TAFA2: variants seen among roughly 807,000 people sequenced by gnomAD.
TAFA2 encodes the protein chemokine-like protein TAFA-2.
Under a neutral mutation model 18.8 loss-of-function variants are expected in TAFA2, and 7 were observed. That is an observed-to-expected ratio of 0.37 (90% CI 0.21 to 0.70). The LOEUF is 0.70. Ranked by LOEUF, TAFA2 falls within the 30% of genes least tolerant of loss-of-function variation. The pLI is 0.53. For synonymous variants in TAFA2, 60 were observed against 54.2 expected (o/e 1.11, Z -0.47); for missense variants, 122 against 158.1 (o/e 0.77, Z 1.23).
intron 1 of TAFA2, chr12:62,235,637 T>A: frequency 4.4e-6 from 1 of 224,994 alleles, no homozygotes; most frequent in Non-Finnish European, 8.7e-6. Context: ...CCTTTATTCC[T>A]TTGTTACTGT....
At chr12:62,208,334 A>C (rs2062700445) in intron 1 of TAFA2, among the ~76,000 whole-genome samples, 1 of 152,196 alleles carries the variant, frequency 6.6e-6, no homozygotes, top group South Asian at 2.1e-4. Flanking sequence ...GGAGAAAAAA[A>C]AAAGCTGTTT....
chr12:61,827,893 C>T (rs1872583224), intron 2 of TAFA2, among the ~76,000 whole-genome samples: 1 of 151,906 alleles, frequency 6.6e-6, no homozygotes, highest in Non-Finnish European at 1.5e-5. Flanking sequence ...ACTCTTTAGT[C>T]CTTGCTTGAA....
intron 1 of TAFA2, among the ~76,000 whole-genome samples, chr12:62,047,264 C>A (rs1029001042): frequency 1.3e-5 from 2 of 152,002 alleles, no homozygotes; most frequent in Non-Finnish European, 2.9e-5. Context: ...AAGGCTAGGT[C>A]GCAGAAAGCC....
chr12:61,991,081 A>G (rs761225699), intron 1 of TAFA2, among the ~76,000 whole-genome samples: 4 of 152,216 alleles, frequency 2.6e-5, no homozygotes, highest in Non-Finnish European at 5.9e-5. Flanking sequence ...AAGGTACTTT[A>G]TGCTCTTTTC....
chr12:61,724,677 G>A (rs1295449759), intron 4 of TAFA2, among the ~76,000 whole-genome samples: 1 of 151,324 alleles, frequency 6.6e-6, no homozygotes, highest in Non-Finnish European at 1.5e-5. Context: ...TAGAATAATG[G>A]CCTCCATCCA....
intron 4 of TAFA2, among the ~76,000 whole-genome samples, chr12:61,747,941 GA>G (rs1868810517): frequency 6.6e-6 from 1 of 151,978 alleles, no homozygotes. Flanking sequence ...TTAAAATGTG[GA>G]AGGTAAGTTG....
intron 1 of TAFA2, among the ~76,000 whole-genome samples, chr12:62,157,253 G>A (rs926894083): frequency 2.0e-5 from 3 of 151,912 alleles, no homozygotes; most frequent in African/African-American, 7.3e-5. Context: ...ATCAAAAAAT[G>A]ATTTGGGAAG....
intron 1 of TAFA2, among the ~76,000 whole-genome samples, chr12:62,117,492 C>A (rs1870011579): frequency 6.6e-6 from 1 of 152,092 alleles, no homozygotes; most frequent in East Asian, 1.9e-4. Context: ...CAGTATTCAG[C>A]CTGGGACCCC....
rs138922673 is a variant in TAFA2, at chr12:62,029,345, T to C, written c.-2+161914A>G. Among the ~76,000 whole-genome samples, 3 of 152,294 alleles carry C rather than the reference T, an allele frequency of 2.0e-5. No individual in the cohort carries two copies. The East Asian group carries it at 5.8e-4, about 29-fold the overall frequency. On this transcript the variant is annotated intron_variant, in intron 1 of 4. Coordinates refer to ENST00000416284, the MANE Select transcript of TAFA2 (RefSeq NM_178539.5). ...TTAACTACATGTTATCTTTTTAACA[T>C]TAATATTATGCTTGTTAGGGAGGTG...
rs1437531064 is a variant in TAFA2, at chr12:61,754,859, G to A, written c.259+13C>T. ...GGCTGTGCTGTTACAATAAGGAATGGAAGAAGTCACACCATCCACACATGA... is the reference window on the plus strand; with the variant it reads ...GGCTGTGCTGTTACAATAAGGAATGAAAGAAGTCACACCATCCACACATGA... On this transcript the variant is annotated intron_variant, in intron 3 of 4. Transcript: ENST00000416284. The A allele has an allele frequency of 1.2e-6, 2 of 1,611,816 alleles. No homozygotes were observed. Among genetic ancestry groups the A allele is most frequent in the East Asian group, 2.2e-5 (1 of 44,648 alleles).
At chr12:62,052,761 G>GA (rs138741516) in intron 1 of TAFA2, among the ~76,000 whole-genome samples, 3,041 of 152,130 alleles carry the variant, frequency 0.02, 64 homozygotes, top group African/African-American at 0.047. Context: ...GAATCTAAGA[G>GA]ATTCTTAGAT....
intron 1 of TAFA2, among the ~76,000 whole-genome samples, chr12:62,016,456 T>A (rs148636401): frequency 6.6e-6 from 1 of 152,220 alleles, no homozygotes; most frequent in East Asian, 1.9e-4. Context: ...AGGACACAAC[T>A]GCCAGAAATG....
chr12:62,251,343 TAAGA>T (rs1243329123), intron 1 of TAFA2, among the ~76,000 whole-genome samples: 1 of 152,106 alleles, frequency 6.6e-6, no homozygotes, highest in Non-Finnish European at 1.5e-5. Context: ...TGAAAAAGCA[TAAGA>T]AAGTGGTGAG....
At chr12:61,802,109 C>T (rs534147287) in intron 2 of TAFA2, among the ~76,000 whole-genome samples, 1 of 151,760 alleles carries the variant, frequency 6.6e-6, no homozygotes, top group African/African-American at 2.4e-5. Flanking sequence ...AAAACAAAAA[C>T]TAATTGCTGG....
At chr12:61,710,566 G>T in intron 4 of TAFA2, 149 bp from the exon 5 acceptor site, 1 of 614,010 alleles carries the variant, frequency 1.6e-6, no homozygotes, top group Non-Finnish European at 2.9e-6. Flanking sequence ...AACAGATGCA[G>T]GTATTTCCAT....
intron 2 of TAFA2, among the ~76,000 whole-genome samples, chr12:61,858,351 C>T (rs1873975372): frequency 6.6e-6 from 1 of 152,254 alleles, no homozygotes; most frequent in East Asian, 1.9e-4. Flanking sequence ...TTGAATGACA[C>T]ACCTAACCAT....
chr12:61,740,100 C>T (rs1868379911), intron 4 of TAFA2, among the ~76,000 whole-genome samples: 1 of 152,090 alleles, frequency 6.6e-6, no homozygotes, highest in Non-Finnish European at 1.5e-5. Context: ...TTCTCTTTCT[C>T]TTTCTCTGTC....
chr12:61,732,849 A>G (rs1488850842), intron 4 of TAFA2, among the ~76,000 whole-genome samples: 2 of 151,874 alleles, frequency 1.3e-5, no homozygotes, highest in Non-Finnish European at 2.9e-5. Context: ...CATGGTTTAT[A>G]TTCACTTAAA....
intron 1 of TAFA2, among the ~76,000 whole-genome samples, chr12:62,135,143 T>C (rs1043728145): frequency 1.3e-5 from 2 of 152,090 alleles, no homozygotes; most frequent in Admixed American, 6.6e-5. Flanking sequence ...AGTCAAGGAC[T>C]GTGTCTTAGT....
Sources: allele counts gnomAD v4.1 joint callset (sites outside exome capture counted in the v4.1 genomes callset), GRCh38; gene constraint gnomAD v4.1.1; transcripts MANE v1.5; gene names NCBI Gene and HGNC (gene_info 2026-07-23, HGNC 2026-07-21).